The following USP4 variants were observed in gnomAD, a reference collection of about 807,000 sequenced individuals.
USP4 encodes ubiquitin specific peptidase 4, also known as ubiquitin carboxyl-terminal hydrolase 4.
Under a neutral mutation model 118.2 loss-of-function variants are expected in USP4, and 72 were observed. The ratio of observed to expected loss-of-function variants is 0.61; its 90% CI spans 0.50 to 0.74. The LOEUF is 0.74. USP4 is among the 30% of genes least tolerant of loss of function. The pLI, the probability that USP4 is intolerant of heterozygous loss-of-function variation, is 0.00. For missense variants in USP4, 1,037 were observed against 1,185.7 expected, an observed-to-expected ratio of 0.87 and a Z score of 1.84; for synonymous variants, 415 against 440.4, an observed-to-expected ratio of 0.94 and a Z score of 0.72.
chr3:49,312,613 T>C (rs2047395687), intron 6 of USP4: 1 of 367,476 alleles, frequency 2.7e-6, no homozygotes, highest in Non-Finnish European at 5.5e-6. Context: ...AGAACGAAAC[T>C]CTGTCTCAAA....
intron 14 of USP4, 92 bp downstream of exon 14, chr3:49,294,315 G>A: frequency 7.3e-7 from 1 of 1,366,502 alleles, no homozygotes; most frequent in Non-Finnish European, 1.0e-6. Flanking sequence ...GAGCATGTAG[G>A]ATCAACACAG....
At chr3:49,330,974 C>T (rs1193024832) in intron 2 of USP4, among the ~76,000 whole-genome samples, 2 of 146,882 alleles carry the variant, frequency 1.4e-5, no homozygotes, top group African/African-American at 2.5e-5. Flanking sequence ...GCCGAGATCG[C>T]GCCACTGCAC....
At chr3:49,307,489 A>G (rs938693011) in intron 8 of USP4, among the ~76,000 whole-genome samples, 1 of 151,768 alleles carries the variant, frequency 6.6e-6, no homozygotes, top group Non-Finnish European at 1.5e-5. Flanking sequence ...GGTCTTGCTT[A>G]TGTTAGCTAG....
intron 8 of USP4, among the ~76,000 whole-genome samples, chr3:49,306,527 C>T (rs1208831639): frequency 5.3e-5 from 8 of 151,682 alleles, no homozygotes; most frequent in South Asian, 2.1e-4. Flanking sequence ...CTGTTCTTAA[C>T]GCTATTAGTT....
chr3:49,321,326 TC>T (rs948185375), intron 6 of USP4, among the ~76,000 whole-genome samples: 6 of 152,174 alleles, frequency 3.9e-5, no homozygotes, highest in African/African-American at 1.4e-4. Flanking sequence ...TTACAATTGT[TC>T]ACCTTTCTCA....
At chr3:49,314,703 A>G (rs1244235478) in intron 6 of USP4, among the ~76,000 whole-genome samples, 1 of 152,136 alleles carries the variant, frequency 6.6e-6, no homozygotes, top group East Asian at 1.9e-4. Context: ...CTATTCATTG[A>G]TAACTTATCT....
At chr3:49,299,008 A>G (rs988615003) in intron 11 of USP4, among the ~76,000 whole-genome samples, 2 of 152,074 alleles carry the variant, frequency 1.3e-5, no homozygotes, top group African/African-American at 4.8e-5. Context: ...CCTGGCCTCG[A>G]GCAATCCTCC....
chr3:49,286,358 A>G (rs2047090864), intron 15 of USP4, 33 bp from the exon 16 acceptor site: 1 of 1,590,004 alleles, frequency 6.3e-7, no homozygotes, highest in African/African-American at 1.4e-5. Context: ...TATGTATATA[A>G]TTTCCTACCA....
At position 49,277,438 on chromosome 3, in the gene USP4, CACCAAAATGTATTACT is replaced by C. The variant is rs929889478; in HGVS notation, c.*839_*854del. ...CCCGTTCTAGAAAGCATCTGGGTAA[CACCAAAATGTATTACT>C]ACCCTAAATCGCCATGAACTGGAGC... On this transcript the variant is annotated 3_prime_UTR_variant, in exon 22 of 22. Coordinates refer to ENST00000265560, the MANE Select transcript of USP4 (RefSeq NM_003363.4). 3.6e-6 allele frequency: 1 copy of C among 279,780 alleles called. No individual in the cohort carries two copies. Among genetic ancestry groups the C allele is most frequent in the African/African-American group, 2.3e-5 (1 of 43,842 alleles). The allele number at this position is 279,780 out of a possible 1,614,324, so 17.3% of individuals were successfully genotyped here.
chr3:49,332,322 G>A (rs1033128501), intron 2 of USP4, among the ~76,000 whole-genome samples: 4 of 151,980 alleles, frequency 2.6e-5, no homozygotes, highest in African/African-American at 9.7e-5. Flanking sequence ...GCCAGGCATG[G>A]TGGCAAGCAA....
intron 6 of USP4, among the ~76,000 whole-genome samples, chr3:49,313,168 G>C (rs1345840342): frequency 6.6e-6 from 1 of 151,954 alleles, no homozygotes; most frequent in Non-Finnish European, 1.5e-5. Context: ...TGGGATTATA[G>C]GTGTGAACCA....
rs891233484 is a variant in USP4, at chr3:49,317,364, G to C, written c.696-5710C>G. On this transcript the variant is annotated intron_variant, in intron 6 of 21. Coordinates refer to ENST00000265560, the MANE Select transcript of USP4 (RefSeq NM_003363.4). ...GCTGTTTCTTGTCCTCCTCCTGCTG[G>C]ATCTGCCAGCACAGCTCCTCCTGCT... The C allele has an allele frequency of 2.6e-6, 3 of 1,155,878 alleles. No individual in the cohort carries two copies. In the East Asian group the frequency reaches 7.7e-5, roughly 30 times the overall value. 71.6% of individuals were successfully genotyped at this position (1,155,878 alleles called of 1,614,324 possible). A position where few individuals can be genotyped will look rare whatever the true frequency, so the allele number is the denominator to read the frequency against.
intron 2 of USP4, 100 bp downstream of exon 2, chr3:49,335,369 C>T: frequency 1.3e-6 from 2 of 1,515,998 alleles, no homozygotes; most frequent in Non-Finnish European, 1.8e-6. Flanking sequence ...TTTCTATCTC[C>T]TCACACTAGG....
Position 49,283,896 on chromosome 3 carries a change from A to G in USP4, c.2540+91T>C, listed in dbSNP as rs1305841355. Reference sequence around the variant, plus strand: ...CGGCAACACACATCCTTACTCAGAAAAGTTTTTGGTGGCAAACCACTCAGC... The same window carrying G: ...CGGCAACACACATCCTTACTCAGAAGAGTTTTTGGTGGCAAACCACTCAGC... On this transcript the variant is annotated intron_variant, in intron 19 of 21. Coordinates refer to ENST00000265560, the MANE Select transcript of USP4 (RefSeq NM_003363.4). 7.2e-6 allele frequency: 11 copies of G among 1,523,926 alleles called. No individual in the cohort carries two copies. In the Admixed American group the frequency reaches 1.4e-4, roughly 20 times the overall value. 94.4% of individuals were successfully genotyped at this position (1,523,926 alleles called of 1,614,324 possible). A position where few individuals can be genotyped will look rare whatever the true frequency, so the allele number is the denominator to read the frequency against.
chr3:49,324,601 A>G, intron 6 of USP4, 101 bp downstream of exon 6: 1 of 1,119,712 alleles, frequency 8.9e-7, no homozygotes, highest in East Asian at 2.4e-5. Flanking sequence ...GGCATTGTTC[A>G]TCTGAATCAG....
chr3:49,324,816 C>T (rs2047534785), intron 5 of USP4, 53 bp from the exon 6 acceptor site: 2 of 1,613,488 alleles, frequency 1.2e-6, no homozygotes, highest in Admixed American at 3.3e-5. Context: ...GCACTTCCAA[C>T]ATGCTTAGAA....
chr3:49,296,643 C>T (rs1046405150), intron 13 of USP4, among the ~76,000 whole-genome samples: 11 of 152,000 alleles, frequency 7.2e-5, no homozygotes, highest in East Asian at 1.9e-4. Context: ...AGCGAGACTC[C>T]GTCTAAAAAA....
intron 2 of USP4, among the ~76,000 whole-genome samples, chr3:49,333,144 C>CTT (rs376262745): frequency 8.6e-5 from 12 of 138,812 alleles, no homozygotes; most frequent in Non-Finnish European, 1.1e-4. Context: ...TAGAGTAGCA[C>CTT]TTTTTTTTTT....
At position 49,277,156 on chromosome 3, in the gene USP4, G is replaced by C. The variant is rs1270735509; in HGVS notation, c.*1137C>G. ...TGGCCCTACCGGCACCCCCCCTTTG[G>C]CGAGTCGGCAGCCACGTCCTTGTCC... On this transcript the variant is annotated 3_prime_UTR_variant, in exon 22 of 22. Transcript: ENST00000265560. The C allele has an allele frequency of 9.1e-6, 13 of 1,422,076 alleles. No homozygotes were observed. In the Admixed American group the frequency reaches 1.7e-4, roughly 18 times the overall value. The allele number at this position is 1,422,076 out of a possible 1,614,324, so 88.1% of individuals were successfully genotyped here. A position where few individuals can be genotyped will look rare whatever the true frequency, so the allele number is the denominator to read the frequency against.
Sources: gnomAD v4.1 joint callset for allele counts (sites outside exome capture counted in the v4.1 genomes callset) on GRCh38, gnomAD v4.1.1 for gene constraint, MANE v1.5 for transcripts, NCBI Gene and HGNC (gene_info 2026-07-23, HGNC 2026-07-21) for gene names.